The following ANKLE2 variants were observed in gnomAD, a reference collection of about 807,000 sequenced individuals.
The protein encoded by ANKLE2 is ankyrin repeat and LEM domain containing 2, also known as ankyrin repeat and LEM domain-containing protein 2.
Under a neutral mutation model 84.2 loss-of-function variants are expected in ANKLE2, and 55 were observed. That is an observed-to-expected ratio of 0.65 (90% CI 0.53 to 0.82). The LOEUF (loss-of-function observed/expected upper bound fraction) is 0.82. Ranked by LOEUF, ANKLE2 falls within the 40% of genes least tolerant of loss-of-function variation. ANKLE2 has a pLI of 0.00. For missense variants in ANKLE2, 1,238 were observed against 1,201.9 expected, an observed-to-expected ratio of 1.03 and a Z score of -0.44; for synonymous variants, 551 against 486.1, an observed-to-expected ratio of 1.13 and a Z score of -1.76.
Position 132,725,961 on chromosome 12 carries a change from A to C in ANKLE2, c.*1281T>G, listed in dbSNP as rs1041686903. On this transcript the variant is annotated 3_prime_UTR_variant, in exon 13 of 13. Coordinates refer to ENST00000357997, the MANE Select transcript of ANKLE2 (RefSeq NM_015114.3). The stretch of plus-strand genomic sequence containing the variant: ...CTATCTCTTGTCATATGAAAGAAAG[A>C]AGCCTTTTTTTAAAACAAAGTTTCA... The C allele has an allele frequency of 1.3e-5, 2 of 152,256 alleles. No individual in the cohort carries two copies. The highest frequency in any genetic ancestry group is 4.8e-5 in the African/African-American group (2 of 41,472). 9.4% of individuals were successfully genotyped at this position (152,256 alleles called of 1,614,324 possible).
intron 5 of ANKLE2, among the ~76,000 whole-genome samples, chr12:132,745,902 ACCGCAT>A (rs1473020724): frequency 1.3e-5 from 2 of 152,238 alleles, no homozygotes; most frequent in Non-Finnish European, 1.5e-5. Context: ...AGACGTGGCT[ACCGCAT>A]CCACATGAAT....
chr12:132,746,969 A>G (rs928117977), intron 5 of ANKLE2, among the ~76,000 whole-genome samples: 2 of 152,210 alleles, frequency 1.3e-5, no homozygotes, highest in African/African-American at 2.4e-5. Flanking sequence ...GGCTAAGAGA[A>G]GGAAAAGCCT....
intron 2 of ANKLE2, 103 bp downstream of exon 2, chr12:132,754,572 G>C (rs962385896): frequency 2.5e-6 from 3 of 1,199,982 alleles, no homozygotes; most frequent in Non-Finnish European, 3.5e-6. Flanking sequence ...GAGGGGATTG[G>C]ATTTTTTCCT....
intron 10 of ANKLE2, 186 bp from the exon 11 acceptor site, chr12:132,730,456 T>TC (rs2043818634): frequency 3.9e-5 from 22 of 568,612 alleles, no homozygotes; most frequent in Non-Finnish European, 4.7e-5. Flanking sequence ...CAAAACCTCC[T>TC]CATCAGATTT....
At chr12:132,740,333 A>G (rs973324553) in intron 7 of ANKLE2, among the ~76,000 whole-genome samples, 5 of 152,162 alleles carry the variant, frequency 3.3e-5, no homozygotes, top group African/African-American at 1.2e-4. Flanking sequence ...GGCTCTTCAC[A>G]CCTTAGATCA....
At chr12:132,730,395 A>ATCAGATTT in intron 10 of ANKLE2, 125 bp from the exon 11 acceptor site, 2 of 132,086 alleles carry the variant, frequency 1.5e-5, no homozygotes, top group African/African-American at 1.3e-4. Flanking sequence ...AAACCTCCCC[A>ATCAGATTT]CTCCATCCGC....
chr12:132,761,295 C>T (rs1316165194), intron 1 of ANKLE2: 3 of 229,712 alleles, frequency 1.3e-5, no homozygotes, highest in Admixed American at 5.7e-5. Flanking sequence ...CATCCCTCCC[C>T]AGGTCTCGAG....
In ANKLE2 at chr12:132,728,205, A is replaced by G. The variant is rs1201438376; in HGVS notation, c.2484-42T>C. The G allele has an allele frequency of 1.9e-6, 3 of 1,602,320 alleles. No individual in the cohort carries two copies. In the Admixed American group the frequency reaches 5.3e-5, roughly 28 times the overall value. ...AAGAAGCAAAAACATCTTTGGTAAA[A>G]ACATAAAGACTTCTAAAATACCACT... On this transcript the variant is annotated intron_variant, in intron 11 of 12. Transcript: ENST00000357997.
At chr12:132,734,144 C>T (rs975755099) in intron 10 of ANKLE2, 24 of 566,392 alleles carry the variant, frequency 4.2e-5, no homozygotes, top group Non-Finnish European at 3.2e-6. Context: ...ACTCAGGAGG[C>T]TGAGGCAGAA....
Position 132,759,600 on chromosome 12 carries a change from T to C in ANKLE2, c.181+2018A>G, listed in dbSNP as rs1447744600. 7 of 151,588 alleles carry C rather than the reference T, an allele frequency of 4.6e-5. No homozygotes were observed. The East Asian group carries it at 1.2e-3, about 25-fold the overall frequency. 9.4% of individuals were successfully genotyped at this position (151,588 alleles called of 1,614,324 possible). A position where few individuals can be genotyped will look rare whatever the true frequency, so the allele number is the denominator to read the frequency against. ...ATTATACATCATATATAAAAACATA[T>C]TTTTATATAAAATAAATCAGTATTT... On this transcript the variant is annotated intron_variant, in intron 1 of 12. Transcript: ENST00000357997.
At position 132,748,905 on chromosome 12, in the gene ANKLE2, G is replaced by A. The variant is rs1170011630; in HGVS notation, c.848-574C>T. ...TATACACACGTATTTTTAGAGATGA[G>A]GTCTATGTTGCCCAGGCTGGTCTCA... is the stretch of plus-strand genomic sequence containing the variant. On this transcript the variant is annotated intron_variant, in intron 3 of 12. Transcript: ENST00000357997. 5 of 149,672 alleles carry A rather than the reference G, an allele frequency of 3.3e-5. No homozygotes were observed. In the East Asian group the frequency reaches 1.0e-3, roughly 30 times the overall value. The allele number at this position is 149,672 out of a possible 1,614,324, so 9.3% of individuals were successfully genotyped here.
Position 132,727,397 on chromosome 12 carries a change from C to A in ANKLE2, c.2662G>T (p.Asp888Tyr), listed in dbSNP as rs550673728. The change falls in exon 13 of 13, where the codon GAT (aspartate) becomes TAT (tyrosine). Residue 888 changes from aspartate to tyrosine, a missense_variant. By Grantham distance (160) the Asp-to-Tyr change is radical. This residue lies in a region of ANKLE2 where 802 missense variants were observed against 774.5 expected (regional missense o/e 1.04). Coordinates refer to ENST00000357997, the MANE Select transcript of ANKLE2 (RefSeq NM_015114.3). ...CTGTAGCTGTGAGGGCCACTGAGAT[C>A]TGGCAGCTGAGACTTGAACCTTCCT... ...VKGRFKSQLP[D>Y]LSGPHSYSPG... is the part of the protein sequence containing the mutation. 6.4e-7 allele frequency: 1 copy of A among 1,561,510 alleles called. No homozygotes were observed. Among genetic ancestry groups the A allele is most frequent in the Non-Finnish European group, 8.7e-7 (1 of 1,152,722 alleles).
chr12:132,750,186 C>A (rs2044325308), intron 3 of ANKLE2, among the ~76,000 whole-genome samples: 1 of 112,314 alleles, frequency 8.9e-6, no homozygotes, highest in Non-Finnish European at 1.7e-5. Context: ...GCCTGGGCGA[C>A]AGAGCAAGAC....
chr12:132,726,953 T>C lies in ANKLE2; in HGVS notation c.*289A>G. ...CTGCAACTGCCTCAGCGCCCTTTCC[T>C]CTGCTATATTTCAGACCTAGAAATT... On this transcript the variant is annotated 3_prime_UTR_variant, in exon 13 of 13. Coordinates refer to ENST00000357997, the MANE Select transcript of ANKLE2 (RefSeq NM_015114.3). The C allele has an allele frequency of 2.4e-6, 1 of 424,610 alleles. No homozygotes were observed. Among genetic ancestry groups the C allele is most frequent in the Non-Finnish European group, 4.2e-6 (1 of 237,842 alleles). 26.3% of individuals were successfully genotyped at this position (424,610 alleles called of 1,614,324 possible). A position where few individuals can be genotyped will look rare whatever the true frequency, so the allele number is the denominator to read the frequency against.
At chr12:132,746,946 C>T (rs989457279) in intron 5 of ANKLE2, among the ~76,000 whole-genome samples, 1 of 152,154 alleles carries the variant, frequency 6.6e-6, no homozygotes, top group African/African-American at 2.4e-5. Flanking sequence ...TTTGGGCTCC[C>T]AGGGGTGGGA....
intron 5 of ANKLE2, among the ~76,000 whole-genome samples, chr12:132,747,353 CCTCT>C (rs959595165): frequency 2.7e-5 from 4 of 147,486 alleles, no homozygotes; most frequent in African/African-American, 1.0e-4. Context: ...TGTCAGGCAG[CCTCT>C]CTCTCTCTCC....
In ANKLE2 at chr12:132,754,777, G is replaced by C; in HGVS notation, c.538C>G (p.Pro180Ala). 4.3e-6 allele frequency: 7 copies of C among 1,614,104 alleles called. No homozygotes were observed. Among genetic ancestry groups the C allele is most frequent in the Non-Finnish European group, 5.9e-6 (7 of 1,180,028 alleles). ...GCTCTGTAGGTGTCGGTGTCACTAG[G>C]GGGCACCGAGCAGGTCTTGGATGTC... ...AVTSKTCSVP[P>A]SDTDTYRAGA... Residue 180 changes from proline (P) to alanine (A), a missense_variant, in exon 2 of 13, where the codon CCT becomes GCT. By Grantham distance (27) the Pro-to-Ala change is conservative (BLOSUM62 -1). This residue lies in a region of ANKLE2 where 422 missense variants were observed against 394.5 expected (regional missense o/e 1.07). Coordinates refer to ENST00000357997, the MANE Select transcript of ANKLE2 (RefSeq NM_015114.3).
chr12:132,754,103 G>A (rs983731368), intron 2 of ANKLE2, among the ~76,000 whole-genome samples: 1 of 151,786 alleles, frequency 6.6e-6, no homozygotes, highest in Non-Finnish European at 1.5e-5. Context: ...TTAGCCAGGC[G>A]CGGTGGCAGG....
chr12:132,751,897 T>A (rs1303968152), intron 2 of ANKLE2, among the ~76,000 whole-genome samples: 2 of 152,212 alleles, frequency 1.3e-5, no homozygotes, highest in Non-Finnish European at 2.9e-5. Flanking sequence ...TAATCCTGAT[T>A]ATATAAAAAT....
Sources: gnomAD v4.1 joint callset for allele counts (sites outside exome capture counted in the v4.1 genomes callset) on GRCh38, gnomAD v4.1.1 for gene constraint, gnomAD v4.1.1 regional missense constraint, MANE v1.5 for transcripts, NCBI Gene and HGNC (gene_info 2026-07-23, HGNC 2026-07-21) for gene names.